Variants in RABGAP1L observed in about 807,000 individuals in gnomAD.
RABGAP1L encodes RAB GTPase activating protein 1 like.
A neutral mutation model predicts 137.7 loss-of-function variants in RABGAP1L; 63 were observed. That is an observed-to-expected ratio of 0.46 (90% CI 0.37 to 0.56). The LOEUF is 0.56. Among genes scored for constraint, RABGAP1L ranks in the 20% least tolerant of loss-of-function variants. RABGAP1L has a pLI of 0.00. For synonymous variants in RABGAP1L, 431 were observed against 433.7 expected, an observed-to-expected ratio of 0.99 and a Z score of 0.08; for missense variants, 1,095 against 1,244.0, an observed-to-expected ratio of 0.88 and a Z score of 1.80.
chr1:174,713,971 A>G (rs1680793810), intron 17 of RABGAP1L, among the ~76,000 whole-genome samples: 1 of 152,168 alleles, frequency 6.6e-6, no homozygotes, highest in Admixed American at 6.5e-5. Context: ...ACACTCCTCT[A>G]CTGAAAACCC....
At chr1:174,430,008 A>G (rs534167833) in intron 13 of RABGAP1L, among the ~76,000 whole-genome samples, 7 of 152,188 alleles carry the variant, frequency 4.6e-5, no homozygotes, top group Admixed American at 3.9e-4. Context: ...ATTTTTTGAT[A>G]CAAAGCATGT....
intron 11 of RABGAP1L, among the ~76,000 whole-genome samples, chr1:174,311,436 G>A (rs1462167627): frequency 6.6e-6 from 1 of 152,096 alleles, no homozygotes; most frequent in East Asian, 1.9e-4. Context: ...GGGATGCAAA[G>A]CCTAACCGTA....
intron 20 of RABGAP1L, among the ~76,000 whole-genome samples, chr1:174,958,554 A>G (rs767076746): frequency 3.3e-5 from 5 of 152,322 alleles, no homozygotes; most frequent in Admixed American, 6.5e-5. Flanking sequence ...ACTGTGTGGC[A>G]TTATTAATTA....
chr1:174,270,837 A>C (rs566311037), intron 7 of RABGAP1L, among the ~76,000 whole-genome samples: 1 of 152,290 alleles, frequency 6.6e-6, no homozygotes, highest in African/African-American at 2.4e-5. Context: ...TTCTTAAAAC[A>C]AAAAACCATT....
chr1:174,706,291 A>G (rs1486086180), intron 17 of RABGAP1L, among the ~76,000 whole-genome samples: 1 of 152,192 alleles, frequency 6.6e-6, no homozygotes. Context: ...AAATCTGAAT[A>G]TATGATAACA....
chr1:174,748,752 G>A (rs1220302190), intron 17 of RABGAP1L, among the ~76,000 whole-genome samples: 1 of 152,014 alleles, frequency 6.6e-6, no homozygotes, highest in African/African-American at 2.4e-5. Flanking sequence ...GCATATGCCT[G>A]TAGTTCCAGC....
At position 174,448,492 on chromosome 1, in the gene RABGAP1L, T is replaced by C; in HGVS notation, c.1710+54347T>C. The C allele has an allele frequency of 3.7e-6, 6 of 1,613,838 alleles. No homozygotes were observed. Among genetic ancestry groups the C allele is most frequent in the Non-Finnish European group, 5.1e-6 (6 of 1,179,720 alleles). ...ATATCATCTCAGTTCTAAAAAGTGTTTCTATGGCATGTCTTGCTTGCATCA... is the reference window on the plus strand; with the variant it reads ...ATATCATCTCAGTTCTAAAAAGTGTCTCTATGGCATGTCTTGCTTGCATCA... On this transcript the variant is annotated intron_variant, in intron 13 of 25. Transcript: ENST00000681986. The surrounding 1 kb of genome is among the most constrained non-coding windows in gnomAD (Gnocchi z 4.2).
chr1:174,340,159 A>G (rs912399218), intron 11 of RABGAP1L, among the ~76,000 whole-genome samples: 5 of 152,208 alleles, frequency 3.3e-5, no homozygotes, highest in African/African-American at 1.2e-4. Context: ...ATGAAACATT[A>G]TTAATGTAAA....
At chr1:174,900,809 TG>T (rs1188901713) in intron 19 of RABGAP1L, among the ~76,000 whole-genome samples, 3 of 152,180 alleles carry the variant, frequency 2.0e-5, no homozygotes, top group Admixed American at 6.5e-5. Context: ...TGTGAGCCAC[TG>T]TGCCCAGGCT....
intron 23 of RABGAP1L, among the ~76,000 whole-genome samples, chr1:174,981,889 A>G (rs535766312): frequency 6.6e-6 from 1 of 152,274 alleles, no homozygotes; most frequent in East Asian, 1.9e-4. Flanking sequence ...ACCCCTTTGC[A>G]TACTTTTTTT....
At chr1:174,614,733 G>T (rs1572519595) in intron 13 of RABGAP1L, among the ~76,000 whole-genome samples, 1 of 152,096 alleles carries the variant, frequency 6.6e-6, no homozygotes, top group South Asian at 2.1e-4. Context: ...CGTAGATTTG[G>T]TCTTTTCACA....
At chr1:174,937,264 C>T (rs1664988875) in intron 19 of RABGAP1L, among the ~76,000 whole-genome samples, 1 of 149,610 alleles carries the variant, frequency 6.7e-6, no homozygotes, top group African/African-American at 2.5e-5. Flanking sequence ...CAGGCGTGAG[C>T]TACCAAGCCC....
intron 14 of RABGAP1L, among the ~76,000 whole-genome samples, chr1:174,658,512 C>G (rs1228277564): frequency 6.6e-6 from 1 of 152,154 alleles, no homozygotes; most frequent in Non-Finnish European, 1.5e-5. Context: ...CAGTATCTCT[C>G]TATATATCCA....
At chr1:174,259,463 T>C (rs1395295564) in intron 7 of RABGAP1L, among the ~76,000 whole-genome samples, 2 of 152,224 alleles carry the variant, frequency 1.3e-5, no homozygotes, top group African/African-American at 4.8e-5. Flanking sequence ...GTACATCTAG[T>C]ACTAGAACAC....
At chr1:174,846,765 C>A (rs1000447558) in intron 19 of RABGAP1L, among the ~76,000 whole-genome samples, 4 of 78,072 alleles carry the variant, frequency 5.1e-5, no homozygotes, top group Admixed American at 1.6e-4. Context: ...GAGCTGAGTT[C>A]AATTCCTGGG....
intron 18 of RABGAP1L, among the ~76,000 whole-genome samples, chr1:174,795,734 G>A (rs568977228): frequency 3.5e-4 from 53 of 152,196 alleles, no homozygotes; most frequent in African/African-American, 1.2e-3. Context: ...ATTAATTATT[G>A]TTGTTATTAT....
intron 15 of RABGAP1L, among the ~76,000 whole-genome samples, chr1:174,695,210 C>A (rs916695133): frequency 4.6e-5 from 7 of 152,020 alleles, no homozygotes; most frequent in Non-Finnish European, 1.0e-4. Context: ...GATCTCTTCC[C>A]CTACCTCCTC....
intron 12 of RABGAP1L, among the ~76,000 whole-genome samples, chr1:174,384,363 G>A (rs1040682209): frequency 3.3e-5 from 5 of 152,090 alleles, no homozygotes; most frequent in African/African-American, 1.2e-4. Flanking sequence ...AAACCTATGT[G>A]CATTTGTCAA....
At chr1:174,584,587 G>A (rs1218409625) in intron 13 of RABGAP1L, among the ~76,000 whole-genome samples, 1 of 152,114 alleles carries the variant, frequency 6.6e-6, no homozygotes, top group African/African-American at 2.4e-5. Context: ...AAATTAGCTA[G>A]GTGACAGAGT....
Sources: allele counts gnomAD v4.1 joint callset (sites outside exome capture counted in the v4.1 genomes callset), GRCh38; gene constraint gnomAD v4.1.1; non-coding constraint Gnocchi (gnomAD v3.1); transcripts MANE v1.5; gene names NCBI Gene and HGNC (gene_info 2026-07-23, HGNC 2026-07-21).